The following RGS6 variants were observed in gnomAD, a reference collection of about 807,000 sequenced individuals.
The protein encoded by RGS6 is regulator of G protein signaling 6.
A neutral mutation model predicts 78.5 loss-of-function variants in RGS6; 30 were observed. The ratio of observed to expected loss-of-function variants is 0.38; its 90% CI spans 0.29 to 0.52. The LOEUF (loss-of-function observed/expected upper bound fraction) is 0.52, where lower values mean the gene tolerates loss of function less well. Among genes scored for constraint, RGS6 ranks in the 20% least tolerant of loss-of-function variants. The pLI, the probability that RGS6 is intolerant of heterozygous loss-of-function variation, is 0.85. For missense variants in RGS6, 495 were observed against 609.7 expected, an observed-to-expected ratio of 0.81 and a Z score of 1.98; for synonymous variants, 206 against 206.0, an observed-to-expected ratio of 1.00 and a Z score of 0.00.
intron 2 of RGS6, among the ~76,000 whole-genome samples, chr14:72,210,365 G>T (rs2043803661): frequency 6.6e-6 from 1 of 152,040 alleles, no homozygotes; most frequent in Non-Finnish European, 1.5e-5. Flanking sequence ...CCTACATTTG[G>T]TCTCCACAAG....
chr14:72,317,116 ATTAG>A (rs2070503562), intron 2 of RGS6, among the ~76,000 whole-genome samples: 1 of 152,136 alleles, frequency 6.6e-6, no homozygotes, highest in Non-Finnish European at 1.5e-5. Context: ...CCTTGAGCTC[ATTAG>A]TTAGCCTTGC....
At chr14:72,005,657 G>A (rs911034428) in intron 2 of RGS6, among the ~76,000 whole-genome samples, 2 of 151,996 alleles carry the variant, frequency 1.3e-5, no homozygotes, top group Non-Finnish European at 2.9e-5. Context: ...TAATATCTCA[G>A]TGCACTTGCC....
chr14:72,469,949 G>C (rs2096027723), intron 7 of RGS6, 58 bp from the exon 8 acceptor site: 1 of 1,226,460 alleles, frequency 8.2e-7, no homozygotes, highest in Non-Finnish European at 1.2e-6. Context: ...AAGCATAGGT[G>C]TCGATGTGCT....
At chr14:71,948,144 T>C (rs908599614) in intron 1 of RGS6, among the ~76,000 whole-genome samples, 9 of 152,176 alleles carry the variant, frequency 5.9e-5, no homozygotes, top group Non-Finnish European at 1.2e-4. Context: ...ACTTCCTCCT[T>C]CTATGGCACG....
chr14:71,974,518 A>G (rs193224996), intron 2 of RGS6, among the ~76,000 whole-genome samples: 4 of 152,332 alleles, frequency 2.6e-5, no homozygotes, highest in Admixed American at 2.6e-4. Flanking sequence ...GGGGGATAGG[A>G]TTCACATTTG....
the RGS6 span, among the ~76,000 whole-genome samples, chr14:71,867,982 A>G: frequency 2.0e-5 from 3 of 152,204 alleles, no homozygotes; most frequent in Non-Finnish European, 4.4e-5. Flanking sequence ...TCTCACATCC[A>G]TGAGGCCTGT....
chr14:72,401,268 A>G (rs963012904), intron 3 of RGS6, among the ~76,000 whole-genome samples: 8 of 152,122 alleles, frequency 5.3e-5, no homozygotes, highest in Admixed American at 3.9e-4. Context: ...TGCGTGCTTC[A>G]TGTTGGATCA....
intron 1 of RGS6, among the ~76,000 whole-genome samples, chr14:71,939,716 T>C (rs890005977): frequency 1.3e-5 from 2 of 152,346 alleles, no homozygotes; most frequent in South Asian, 2.1e-4. Context: ...GTTAAACTTA[T>C]GATAATCCAC....
At chr14:72,545,053 C>A (rs2097373996) in intron 17 of RGS6, among the ~76,000 whole-genome samples, 1 of 152,250 alleles carries the variant, frequency 6.6e-6, no homozygotes. Context: ...GAATGAGTTC[C>A]CAAATACCTA....
At chr14:72,113,528 A>G (rs180799301) in intron 2 of RGS6, among the ~76,000 whole-genome samples, 6 of 152,328 alleles carry the variant, frequency 3.9e-5, no homozygotes, top group African/African-American at 9.6e-5. Flanking sequence ...AGGGTTCTGC[A>G]TGTGGTTTTA....
chr14:72,541,509 T>C (rs1456781031), intron 17 of RGS6: 3 of 1,535,716 alleles, frequency 2.0e-6, no homozygotes, highest in Non-Finnish European at 1.7e-6. Context: ...CTGGTCTATC[T>C]TCATGGCTGC....
the RGS6 span, among the ~76,000 whole-genome samples, chr14:72,579,514 G>A: frequency 2.0e-5 from 3 of 152,192 alleles, no homozygotes; most frequent in African/African-American, 7.2e-5. Context: ...ATTGTCGTGA[G>A]ACACTAAAGG....
intron 17 of RGS6, among the ~76,000 whole-genome samples, chr14:72,544,792 G>C (rs1213269381): frequency 6.6e-6 from 1 of 152,190 alleles, no homozygotes; most frequent in African/African-American, 2.4e-5. Context: ...AAAAGCCAAG[G>C]AAGAGCTAAT....
intron 1 of RGS6, among the ~76,000 whole-genome samples, chr14:71,942,787 G>A (rs1427477956): frequency 6.6e-6 from 1 of 151,962 alleles, no homozygotes; most frequent in Non-Finnish European, 1.5e-5. Context: ...AGTAACATAG[G>A]GTGGTACCAA....
rs1296504762 is a variant in RGS6, at chr14:72,565,917, T to C, written c.*3450T>C. 2.0e-5 allele frequency: 3 copies of C among 152,066 alleles called. No individual in the cohort carries two copies. The highest frequency in any genetic ancestry group is 4.8e-5 in the African/African-American group (2 of 41,396). The allele number at this position is 152,066 out of a possible 1,614,324, so 9.4% of individuals were successfully genotyped here. ...CTTCCTTTGGGCCCTGCAGAATGTATTGGAGGGAGGTGTTGCTGCAAGGTC... is the reference window on the plus strand; with the variant it reads ...CTTCCTTTGGGCCCTGCAGAATGTACTGGAGGGAGGTGTTGCTGCAAGGTC... On this transcript the variant is annotated 3_prime_UTR_variant, in exon 18 of 18. Transcript: ENST00000553525.
At chr14:72,363,944 G>A (rs1275005518) in intron 3 of RGS6, among the ~76,000 whole-genome samples, 1 of 138,896 alleles carries the variant, frequency 7.2e-6, no homozygotes, top group Non-Finnish European at 1.5e-5. Flanking sequence ...ATGGATGAGT[G>A]GTAACTGACA....
intron 2 of RGS6, among the ~76,000 whole-genome samples, chr14:72,345,291 T>C (rs1169743814): frequency 6.6e-6 from 1 of 152,228 alleles, no homozygotes; most frequent in Non-Finnish European, 1.5e-5. Context: ...CACACACATA[T>C]GGACTGCTTG....
the RGS6 span, among the ~76,000 whole-genome samples, chr14:71,925,362 C>T: frequency 2.0e-5 from 3 of 152,190 alleles, no homozygotes; most frequent in Non-Finnish European, 4.4e-5. Flanking sequence ...TAGGTTGCCT[C>T]TTCACCCTGC....
chr14:72,141,409 T>A (rs2096537691), intron 2 of RGS6, among the ~76,000 whole-genome samples: 1 of 152,216 alleles, frequency 6.6e-6, no homozygotes, highest in South Asian at 2.1e-4. Flanking sequence ...TTGCTGAAGT[T>A]CTCAGTCCTC....
Sources: allele counts gnomAD v4.1 joint callset (sites outside exome capture counted in the v4.1 genomes callset), GRCh38; gene constraint gnomAD v4.1.1; transcripts MANE v1.5; gene names NCBI Gene and HGNC (gene_info 2026-07-23, HGNC 2026-07-21).